The following CNNM4 variants were observed in gnomAD, a reference collection of about 807,000 sequenced individuals.
CNNM4 encodes the protein cyclin and CBS domain divalent metal cation transport mediator 4.
CNNM4 carries 32 observed loss-of-function variants against 53.7 expected under a neutral mutation model. The ratio of observed to expected loss-of-function variants is 0.60; its 90% CI spans 0.45 to 0.80. The LOEUF (loss-of-function observed/expected upper bound fraction) is 0.80, where lower values mean the gene tolerates loss of function less well. Ranked by LOEUF, CNNM4 falls within the 30% of genes least tolerant of loss-of-function variation. CNNM4 has a pLI of 0.00. For missense variants in CNNM4, 784 were observed against 1,022.0 expected (o/e 0.77, Z 3.17); for synonymous variants, 410 against 440.0 (o/e 0.93, Z 0.85).
Position 96,809,391 on chromosome 2 carries a change from C to T in CNNM4, c.2202C>T (p.Asp734=), listed in dbSNP as rs552599408. 1.1e-4 allele frequency: 182 copies of T among 1,613,266 alleles called. No homozygotes were observed. The highest frequency in any genetic ancestry group is 2.0e-4 in the Admixed American group (12 of 59,988). The change falls in exon 7 of 7, where the codon GAC becomes GAT. Residue 734 remains aspartate, a synonymous_variant. Transcript: ENST00000377075. ...RMENSPQFPI[D]GCTTHMENLA... Reference sequence around the variant, plus strand: ...AGAACAGCCCTCAGTTTCCCATAGACGGGTGCACCACCCACATGGAGAACT... The same window carrying T: ...AGAACAGCCCTCAGTTTCCCATAGATGGGTGCACCACCCACATGGAGAACT...
At chr2:96,784,061 G>A (rs901931953) in intron 1 of CNNM4, among the ~76,000 whole-genome samples, 3 of 151,978 alleles carry the variant, frequency 2.0e-5, no homozygotes, top group Non-Finnish European at 4.4e-5. Context: ...TTTTGTTACC[G>A]ATATCAGAAA....
chr2:96,781,386 G>A (rs2078974303), intron 1 of CNNM4, among the ~76,000 whole-genome samples: 1 of 151,916 alleles, frequency 6.6e-6, no homozygotes, highest in African/African-American at 2.4e-5. Flanking sequence ...GTCTTGTTCT[G>A]TTGCCCAGGC....
chr2:96,805,353 A>G (rs978067520), intron 5 of CNNM4, among the ~76,000 whole-genome samples: 1 of 146,272 alleles, frequency 6.8e-6, no homozygotes, highest in Admixed American at 6.8e-5. Context: ...TCAAAGCTTT[A>G]CTTAAGCACA....
At position 96,809,444 on chromosome 2, in the gene CNNM4, T is replaced by G. The variant is rs200775112; in HGVS notation, c.2255T>G (p.Val752Gly). Reference protein sequence around the residue: ...NLAEKSELPVVDETTTLLNER... With the variant: ...NLAEKSELPVGDETTTLLNER... ...GCCGAGAAGTCTGAGCTGCCTGTGGTGGACGAGACCACAACTCTTCTCAAC... is the reference window on the plus strand; with the variant it reads ...GCCGAGAAGTCTGAGCTGCCTGTGGGGGACGAGACCACAACTCTTCTCAAC... The change falls in exon 7 of 7, where the codon GTG (valine) becomes GGG (glycine). Residue 752 changes from valine to glycine, a missense_variant. By Grantham distance (109) the Val-to-Gly change is moderately radical. This residue lies in a region of CNNM4 where 307 missense variants were observed against 376.3 expected (regional missense o/e 0.82). Transcript: ENST00000377075. The G allele has an allele frequency of 2.0e-4, 321 of 1,614,166 alleles. No homozygotes were observed. Among genetic ancestry groups the G allele is most frequent in the Non-Finnish European group, 2.6e-4 (302 of 1,180,022 alleles).
chr2:96,804,994 T>C (rs1048192268), intron 5 of CNNM4, among the ~76,000 whole-genome samples: 14 of 151,950 alleles, frequency 9.2e-5, no homozygotes, highest in African/African-American at 3.4e-4. Flanking sequence ...CTTTAAAAAA[T>C]AATAATAATA....
intron 1 of CNNM4, 108 bp from the exon 2 acceptor site, chr2:96,796,904 A>G: frequency 2.7e-6 from 3 of 1,124,302 alleles, no homozygotes; most frequent in East Asian, 5.1e-5. Flanking sequence ...AACCACCATG[A>G]CCCCATCCTG....
In CNNM4 at chr2:96,761,855, C is replaced by T; in HGVS notation, c.856C>T (p.Leu286=). 1 of 1,614,160 alleles carries T rather than the reference C, an allele frequency of 6.2e-7. No individual in the cohort carries two copies. The highest frequency in any genetic ancestry group is 8.5e-7 in the Non-Finnish European group (1 of 1,180,014). The change falls in exon 1 of 7, where the codon CTA becomes TTA. Residue 286 remains leucine (L), a synonymous_variant. Transcript: ENST00000377075. The surrounding 1 kb of genome is among the most constrained non-coding windows in gnomAD (Gnocchi z 6.0). ...TGGCATTGTCATCTTTGGGGAGATCCTACCTCAGGCCCTGTGCTCCCGACA... is the reference window on the plus strand; with the variant it reads ...TGGCATTGTCATCTTTGGGGAGATCTTACCTCAGGCCCTGTGCTCCCGACA... ...TIGIVIFGEI[L]PQALCSRHGL...
At chr2:96,763,188 G>A (rs766065057) in intron 1 of CNNM4, among the ~76,000 whole-genome samples, 5 of 152,164 alleles carry the variant, frequency 3.3e-5, no homozygotes, top group Admixed American at 1.3e-4. Context: ...CCCTCCAGTG[G>A]TCTGCTGGAA....
chr2:96,767,802 T>C (rs2078831923), intron 1 of CNNM4, among the ~76,000 whole-genome samples: 1 of 152,374 alleles, frequency 6.6e-6, no homozygotes, highest in Non-Finnish European at 1.5e-5. Context: ...CTCCTGGCTG[T>C]GGCTCACGCC....
At chr2:96,806,549 G>A (rs574202380) in intron 5 of CNNM4, among the ~76,000 whole-genome samples, 4 of 147,410 alleles carry the variant, frequency 2.7e-5, no homozygotes, top group African/African-American at 1.0e-4. Flanking sequence ...GCGCGCGCGC[G>A]CGCGCCCTTA....
At chr2:96,763,072 G>A (rs1045263151) in intron 1 of CNNM4, among the ~76,000 whole-genome samples, 2 of 152,100 alleles carry the variant, frequency 1.3e-5, no homozygotes, top group Non-Finnish European at 2.9e-5. Flanking sequence ...AGAATTGGGA[G>A]GTCTCTAATT....
chr2:96,811,606 C>G lies in CNNM4; in HGVS notation c.*2089C>G, dbSNP rs1296647010. 1 of 152,620 alleles carries G rather than the reference C, an allele frequency of 6.6e-6. No individual in the cohort carries two copies. The highest frequency in any genetic ancestry group is 1.5e-5 in the Non-Finnish European group (1 of 68,030). The allele number at this position is 152,620 out of a possible 1,614,324, so 9.5% of individuals were successfully genotyped here. A position where few individuals can be genotyped will look rare whatever the true frequency, so the allele number is the denominator to read the frequency against. ...CTCTGGTTCCTGGGATGAGCCATAC[C>G]CTGGAACTGGCCCACCCACTGTGTC... On this transcript the variant is annotated 3_prime_UTR_variant, in exon 7 of 7. Transcript: ENST00000377075.
chr2:96,805,250 C>G (rs2079191045), intron 5 of CNNM4, among the ~76,000 whole-genome samples: 1 of 151,706 alleles, frequency 6.6e-6, no homozygotes, highest in South Asian at 2.1e-4. Context: ...GGGAATACCA[C>G]AACCTCATCA....
chr2:96,772,309 T>C (rs2078880618), intron 1 of CNNM4, among the ~76,000 whole-genome samples: 1 of 117,638 alleles, frequency 8.5e-6, no homozygotes, highest in African/African-American at 3.4e-5. Context: ...AGGCAGGCTC[T>C]ACTCCCACCC....
At chr2:96,766,997 T>G (rs989734868) in intron 1 of CNNM4, among the ~76,000 whole-genome samples, 32 of 152,232 alleles carry the variant, frequency 2.1e-4, no homozygotes, top group African/African-American at 7.5e-4. Context: ...TGATGCATGG[T>G]TCCTCTCCAT....
At chr2:96,792,348 A>G (rs2079069411) in intron 1 of CNNM4, among the ~76,000 whole-genome samples, 3 of 152,148 alleles carry the variant, frequency 2.0e-5, no homozygotes, top group Admixed American at 2.0e-4. Context: ...CTTATTTTAG[A>G]TGTTAAATCA....
At chr2:96,787,248 A>G (rs992347863) in intron 1 of CNNM4, among the ~76,000 whole-genome samples, 16 of 152,358 alleles carry the variant, frequency 1.1e-4, no homozygotes, top group African/African-American at 3.4e-4. Flanking sequence ...AAATTTCTGA[A>G]GTAAAAATTG....
intron 1 of CNNM4, among the ~76,000 whole-genome samples, chr2:96,775,445 T>C (rs1352488719): frequency 6.6e-6 from 1 of 152,196 alleles, no homozygotes; most frequent in Admixed American, 6.6e-5. Context: ...AGTAATATTG[T>C]TGATGGACAT....
intron 5 of CNNM4, among the ~76,000 whole-genome samples, chr2:96,802,118 C>G (rs2079165121): frequency 6.6e-6 from 1 of 151,326 alleles, no homozygotes; most frequent in African/African-American, 2.4e-5. Context: ...CATAGACACA[C>G]AAACACAGAG....
Sources: gnomAD v4.1 joint callset for allele counts (sites outside exome capture counted in the v4.1 genomes callset) on GRCh38, gnomAD v4.1.1 for gene constraint, gnomAD v4.1.1 regional missense constraint, Gnocchi (gnomAD v3.1) non-coding constraint, MANE v1.5 for transcripts, NCBI Gene and HGNC (gene_info 2026-07-23, HGNC 2026-07-21) for gene names.